The following SPADH variants were observed in gnomAD, a reference collection of about 807,000 sequenced individuals.
SPADH encodes the protein spermadhesin family member, also known as CUB domain-containing protein.
At chr10:122,678,753 T>C in the SPADH span, 4 of 192,214 alleles carry the variant, frequency 2.1e-5, no homozygotes, top group Non-Finnish European at 3.8e-5. Context: ...AGCAAAGCTG[T>C]TGGGATCTAG....
chr10:122,673,581 G>A, the SPADH span, among the ~76,000 whole-genome samples: 110 of 152,302 alleles, frequency 7.2e-4, no homozygotes, highest in African/African-American at 2.5e-3. Context: ...TTGAATGCAG[G>A]CAGGAAAGGA....
At chr10:122,676,558 G>A in the SPADH span, among the ~76,000 whole-genome samples, 4 of 152,166 alleles carry the variant, frequency 2.6e-5, no homozygotes, top group African/African-American at 7.2e-5. Context: ...AAATAAGTGT[G>A]GGTCACCTAA....
At chr10:122,673,545 A>G in the SPADH span, among the ~76,000 whole-genome samples, 4 of 152,208 alleles carry the variant, frequency 2.6e-5, no homozygotes, top group African/African-American at 4.8e-5. Context: ...AATTGTGTCA[A>G]CTGCATGAGG....
chr10:122,679,053 A>C, the SPADH span: 1 of 983,440 alleles, frequency 1.0e-6, no homozygotes, highest in Non-Finnish European at 1.2e-6. Context: ...CATTAATAGG[A>C]AGATCGGGGG....
the SPADH span, among the ~76,000 whole-genome samples, chr10:122,675,335 C>T: frequency 8.5e-5 from 13 of 152,094 alleles, no homozygotes; most frequent in African/African-American, 3.1e-4. Context: ...CAGAGTGAGA[C>T]AATTGAACTT....
chr10:122,676,107 C>T, the SPADH span, among the ~76,000 whole-genome samples: 16 of 152,226 alleles, frequency 1.1e-4, no homozygotes, highest in Admixed American at 7.8e-4. Flanking sequence ...CCTCTTCCTA[C>T]GAGCTTCTCC....
the SPADH span, among the ~76,000 whole-genome samples, chr10:122,673,336 T>C: frequency 6.6e-6 from 1 of 152,208 alleles, no homozygotes. Flanking sequence ...CTGCATTGAA[T>C]GTGTCTGGGG....
the SPADH span, among the ~76,000 whole-genome samples, chr10:122,673,669 C>T: frequency 2.0e-4 from 31 of 152,198 alleles, no homozygotes; most frequent in African/African-American, 7.5e-4. Context: ...CCCTCATTCT[C>T]CCCACCTTCT....
the SPADH span, among the ~76,000 whole-genome samples, chr10:122,673,257 T>A: frequency 6.6e-6 from 1 of 152,104 alleles, no homozygotes; most frequent in Admixed American, 6.5e-5. Context: ...GCTGAGAAAA[T>A]CAGACATGGT....
the SPADH span, among the ~76,000 whole-genome samples, chr10:122,675,353 G>A: frequency 5.9e-5 from 9 of 152,154 alleles, no homozygotes; most frequent in African/African-American, 2.2e-4. Context: ...CTTTAATTGA[G>A]TGGAATGGGA....
At chr10:122,677,650 A>C in the SPADH span, among the ~76,000 whole-genome samples, 2 of 152,216 alleles carry the variant, frequency 1.3e-5, no homozygotes, top group African/African-American at 4.8e-5. Flanking sequence ...ACCAAGCCAA[A>C]CACAGCCCAC....
chr10:122,678,878 G>A, the SPADH span: 1 of 984,620 alleles, frequency 1.0e-6, no homozygotes, highest in Non-Finnish European at 1.2e-6. Flanking sequence ...ATACGTGGAA[G>A]TGCTGGATGG....
At chr10:122,676,467 G>T in the SPADH span, among the ~76,000 whole-genome samples, 97 of 152,288 alleles carry the variant, frequency 6.4e-4, no homozygotes, top group Non-Finnish European at 1.3e-3. Context: ...CACTAATCGG[G>T]CAATACGATT....
chr10:122,676,662 G>A, the SPADH span: 3 of 921,654 alleles, frequency 3.3e-6, no homozygotes, highest in South Asian at 1.0e-4. Context: ...GAAGTTGGGA[G>A]AATCAGTAAT....
chr10:122,675,041 A>G, the SPADH span, among the ~76,000 whole-genome samples: 1 of 152,208 alleles, frequency 6.6e-6, no homozygotes, highest in South Asian at 2.1e-4. Flanking sequence ...GGATCCCGTT[A>G]TCTAACTCCA....
chr10:122,674,740 G>C, the SPADH span, among the ~76,000 whole-genome samples: 2 of 152,258 alleles, frequency 1.3e-5, no homozygotes, highest in African/African-American at 4.8e-5. Flanking sequence ...TAGAGTGACA[G>C]ATCAGGTGTA....
chr10:122,674,303 G>T, the SPADH span, among the ~76,000 whole-genome samples: 1 of 152,202 alleles, frequency 6.6e-6, no homozygotes, highest in African/African-American at 2.4e-5. Flanking sequence ...AAAGCTCCCT[G>T]GAGTGATCAC....
the SPADH span, among the ~76,000 whole-genome samples, chr10:122,677,823 C>T: frequency 3.3e-5 from 5 of 152,146 alleles, no homozygotes; most frequent in Non-Finnish European, 7.3e-5. Context: ...GTCTACCCAA[C>T]CTGAGGCCCA....
At chr10:122,674,317 C>A in the SPADH span, among the ~76,000 whole-genome samples, 1 of 152,206 alleles carries the variant, frequency 6.6e-6, no homozygotes. Context: ...TGATCACTAG[C>A]CTCACAGCCT....
Sources: allele counts gnomAD v4.1 joint callset (sites outside exome capture counted in the v4.1 genomes callset), GRCh38; gene constraint gnomAD v4.1.1; transcripts MANE v1.5; gene names NCBI Gene and HGNC (gene_info 2026-07-23, HGNC 2026-07-21).